BCAS3: variants seen among roughly 807,000 people sequenced by gnomAD.
BCAS3 encodes BCAS4/BCAS3 fusion.
BCAS3 carries 53 observed loss-of-function variants against 116.1 expected under a neutral mutation model. That is an observed-to-expected ratio of 0.46 (90% CI 0.37 to 0.57). The LOEUF (loss-of-function observed/expected upper bound fraction) is 0.57, where lower values mean the gene tolerates loss of function less well. BCAS3 is among the 20% of genes least tolerant of loss of function. The pLI is 0.00. For missense variants in BCAS3, 917 were observed against 1,165.4 expected (o/e 0.79, Z 3.10); for synonymous variants, 391 against 408.2 (o/e 0.96, Z 0.51).
chr17:61,372,781 A>T (rs1332578282), intron 23 of BCAS3, among the ~76,000 whole-genome samples: 1 of 151,416 alleles, frequency 6.6e-6, no homozygotes, highest in Non-Finnish European at 1.5e-5. Context: ...CCCCCCTCAA[A>T]ATAACTTGAC....
At chr17:60,896,642 C>G (rs886128546) in intron 10 of BCAS3, among the ~76,000 whole-genome samples, 3 of 151,204 alleles carry the variant, frequency 2.0e-5, no homozygotes, top group African/African-American at 7.3e-5. Flanking sequence ...AGTATAACTA[C>G]CCCTGTTCAC....
chr17:60,799,524 GTTTTTTTT>G (rs869112996), intron 6 of BCAS3, among the ~76,000 whole-genome samples: 1 of 102,382 alleles, frequency 9.8e-6, no homozygotes, highest in African/African-American at 3.7e-5. Context: ...ATTAGTGTTT[GTTTTTTTT>G]TTTTTTTTTT....
intron 6 of BCAS3, among the ~76,000 whole-genome samples, chr17:60,802,212 A>T (rs952932717): frequency 1.3e-5 from 2 of 150,424 alleles, no homozygotes; most frequent in Non-Finnish European, 2.9e-5. Flanking sequence ...TGAATCTGGG[A>T]GGCAGAGGTT....
chr17:61,335,450 C>T (rs564622702), intron 22 of BCAS3, among the ~76,000 whole-genome samples: 4 of 152,210 alleles, frequency 2.6e-5, no homozygotes, highest in Non-Finnish European at 5.9e-5. Flanking sequence ...GCAATGACGC[C>T]AAGATGCCCT....
intron 7 of BCAS3, among the ~76,000 whole-genome samples, chr17:60,853,293 C>G (rs1442972262): frequency 6.6e-6 from 1 of 152,000 alleles, no homozygotes; most frequent in African/African-American, 2.4e-5. Flanking sequence ...TCCTTTTATT[C>G]ACATTTGTTT....
Position 61,034,912 on chromosome 17 carries a change from T to C in BCAS3, c.1762+122T>C, listed in dbSNP as rs2066900871. 3 of 868,694 alleles carry C rather than the reference T, an allele frequency of 3.5e-6. No homozygotes were observed. Among genetic ancestry groups the C allele is most frequent in the Non-Finnish European group, 5.2e-6 (3 of 572,156 alleles). 53.8% of individuals were successfully genotyped at this position (868,694 alleles called of 1,614,324 possible). ...AGTCTGGAAACCAATTTTTTTAATGTAATTAGCATGTCACTTCTCAACTAC... is the reference window on the plus strand; with the variant it reads ...AGTCTGGAAACCAATTTTTTTAATGCAATTAGCATGTCACTTCTCAACTAC... On this transcript the variant is annotated intron_variant, in intron 17 of 23. Transcript: ENST00000407086. The surrounding 1 kb of genome is among the most constrained non-coding windows in gnomAD (Gnocchi z 5.0).
chr17:61,168,720 G>A (rs900085747), intron 22 of BCAS3, among the ~76,000 whole-genome samples: 11 of 152,196 alleles, frequency 7.2e-5, no homozygotes, highest in African/African-American at 2.2e-4. Flanking sequence ...CTGAGTCAGC[G>A]ATCAAGGTCA....
chr17:60,972,305 C>T (rs2062011923), intron 14 of BCAS3, among the ~76,000 whole-genome samples: 1 of 152,148 alleles, frequency 6.6e-6, no homozygotes, highest in South Asian at 2.1e-4. Flanking sequence ...AAAGCATGGA[C>T]TAGCGTTTTT....
intron 6 of BCAS3, among the ~76,000 whole-genome samples, chr17:60,785,655 C>T (rs949180742): frequency 6.6e-6 from 1 of 152,028 alleles, no homozygotes; most frequent in Non-Finnish European, 1.5e-5. Context: ...TATTTGTTGA[C>T]CTGAAGGAAT....
intron 7 of BCAS3, 133 bp downstream of exon 7, chr17:60,808,209 A>G (rs779366709): frequency 9.2e-6 from 6 of 650,710 alleles, no homozygotes; most frequent in Non-Finnish European, 1.6e-5. Context: ...AAGAAAGTAA[A>G]ACATATTTAG....
At position 61,348,280 on chromosome 17, in the gene BCAS3, G is replaced by T. The variant is rs2057624112; in HGVS notation, c.2426-20047G>T. On this transcript the variant is annotated intron_variant, in intron 22 of 23. Transcript: ENST00000407086. This position sits in a 1 kb window ranked among gnomAD's most constrained non-coding sequence, Gnocchi z 4.5. ...AGTAGGGATAGAGAAGGAAGAGCAA[G>T]GGCTGGAGAAGTTAGGTCATGAATT... 6.6e-6 allele frequency among the ~76,000 whole-genome samples: 1 copy of T among 152,180 alleles called. No homozygotes were observed. The highest frequency in any genetic ancestry group is 1.5e-5 in the Non-Finnish European group (1 of 68,028).
At chr17:60,791,508 G>A (rs1294340132) in intron 6 of BCAS3, among the ~76,000 whole-genome samples, 1 of 152,072 alleles carries the variant, frequency 6.6e-6, no homozygotes, top group African/African-American at 2.4e-5. Context: ...TAAAGAATTA[G>A]CTGGGCATGG....
intron 6 of BCAS3, among the ~76,000 whole-genome samples, chr17:60,801,374 GT>G (rs1259531500): frequency 1.3e-5 from 2 of 150,864 alleles, no homozygotes; most frequent in African/African-American, 2.4e-5. Flanking sequence ...ACTGATTCTA[GT>G]TTTTTTTTAA....
chr17:60,683,883 C>CA lies in BCAS3; in HGVS notation c.84-93dup, dbSNP rs2033633132. 4.7e-6 allele frequency: 5 copies of CA among 1,055,266 alleles called. No individual in the cohort carries two copies. In the Admixed American group the frequency reaches 9.6e-5, roughly 20 times the overall value. The allele number at this position is 1,055,266 out of a possible 1,614,324, so 65.4% of individuals were successfully genotyped here. A position where few individuals can be genotyped will look rare whatever the true frequency, so the allele number is the denominator to read the frequency against. ...AAAAACCCCAAAAAACAAACAACAA[C>CA]AAAAAACAAGTGACTTTATTAAGGC... On this transcript the variant is annotated intron_variant, in intron 2 of 23. Coordinates refer to ENST00000407086, the MANE Select transcript of BCAS3 (RefSeq NM_017679.5).
chr17:61,042,048 TGGC>T (rs1411433958), intron 19 of BCAS3, among the ~76,000 whole-genome samples: 4 of 152,074 alleles, frequency 2.6e-5, no homozygotes, highest in Non-Finnish European at 5.9e-5. Context: ...GTGTTGCCTA[TGGC>T]ATCACAGACG....
Position 61,373,730 on chromosome 17 carries a change from C to CCCCG in BCAS3, c.2593+5239_2593+5240insGCCC, listed in dbSNP as rs998903176. On this transcript the variant is annotated intron_variant, in intron 23 of 23. Coordinates refer to ENST00000407086, the MANE Select transcript of BCAS3 (RefSeq NM_017679.5). Reference sequence around the variant, plus strand: ...TACAGGCATGAACCACGATGCCCAGCCCCTGTTTAAAGTATTCTTGATGCA... The same window carrying CCCCG: ...TACAGGCATGAACCACGATGCCCAGCCCCGCCCTGTTTAAAGTATTCTTGATGCA... Among the ~76,000 whole-genome samples the CCCCG allele has an allele frequency of 2.4e-3, 28 of 11,626 alleles. No individual in the cohort carries two copies. In the South Asian group the frequency reaches 0.11, roughly 44 times the overall value. The allele number at this position is 11,626 out of a possible 152,430, so 7.6% of individuals were successfully genotyped here. A position where few individuals can be genotyped will look rare whatever the true frequency, so the allele number is the denominator to read the frequency against.
chr17:61,154,976 T>A (rs371963836), intron 22 of BCAS3, among the ~76,000 whole-genome samples: 37 of 152,282 alleles, frequency 2.4e-4, no homozygotes, highest in African/African-American at 8.7e-4. Flanking sequence ...CAGAAATGTT[T>A]TTCTATTTGC....
chr17:61,191,454 G>A (rs772660782), intron 22 of BCAS3, among the ~76,000 whole-genome samples: 21 of 152,046 alleles, frequency 1.4e-4, no homozygotes, highest in South Asian at 2.1e-4. Context: ...TAGAAACGAC[G>A]CAAGATAAGA....
At chr17:61,003,410 C>T (rs1173479615) in intron 15 of BCAS3, among the ~76,000 whole-genome samples, 2 of 138,356 alleles carry the variant, frequency 1.4e-5, no homozygotes, top group Non-Finnish European at 3.1e-5. Flanking sequence ...CTCCCCTTCC[C>T]TTCCCTTCTT....
Sources: allele counts gnomAD v4.1 joint callset (sites outside exome capture counted in the v4.1 genomes callset), GRCh38; gene constraint gnomAD v4.1.1; non-coding constraint Gnocchi (gnomAD v3.1); transcripts MANE v1.5; gene names NCBI Gene and HGNC (gene_info 2026-07-23, HGNC 2026-07-21).